The following RAB11FIP4 variants were observed in gnomAD, a reference collection of about 807,000 sequenced individuals.
RAB11FIP4 encodes RAB11 family interacting protein 4.
In RAB11FIP4, 23 loss-of-function variants were observed where a neutral mutation model predicts 74.3. That is an observed-to-expected ratio of 0.31 (90% confidence interval 0.22 to 0.44). The LOEUF is 0.44. Ranked by LOEUF, RAB11FIP4 falls within the 20% of genes least tolerant of loss-of-function variation. RAB11FIP4 has a pLI of 1.00. For synonymous variants in RAB11FIP4, 360 were observed against 359.9 expected (o/e 1.00, Z 0.00); for missense variants, 630 against 863.9 (o/e 0.73, Z 3.39).
intron 3 of RAB11FIP4, among the ~76,000 whole-genome samples, chr17:31,486,354 A>C (rs944503266): frequency 2.0e-5 from 3 of 152,078 alleles, no homozygotes; most frequent in African/African-American, 7.2e-5. Context: ...GATCCTCTTC[A>C]GCCTCCCAAG....
chr17:31,536,980 C>T lies in RAB11FIP4; in HGVS notation c.*5248C>T, dbSNP rs73988095. 7,312 of 399,058 alleles carry T rather than the reference C, an allele frequency of 0.018. 397 individuals carry two copies. Among genetic ancestry groups the T allele is most frequent in the African/African-American group, 0.12 (6,041 of 48,708 alleles). The allele number at this position is 399,058 out of a possible 1,614,324, so 24.7% of individuals were successfully genotyped here. On this transcript the variant is annotated 3_prime_UTR_variant, in exon 15 of 15. Coordinates refer to ENST00000621161, the MANE Select transcript of RAB11FIP4 (RefSeq NM_032932.6). ...ATCTGTAAGGTAGAGATGTCTGCCC[C>T]GGAGCTACCAGCTGGGGATGGCATC...
chr17:31,434,817 C>A (rs75268882), intron 3 of RAB11FIP4, among the ~76,000 whole-genome samples: 3,505 of 152,344 alleles, frequency 0.023, 132 homozygotes, highest in African/African-American at 0.08. Context: ...AGAGCTTCCG[C>A]ACCTTCGCTT....
intron 3 of RAB11FIP4, among the ~76,000 whole-genome samples, chr17:31,497,010 A>G (rs2072128799): frequency 6.6e-6 from 1 of 152,202 alleles, no homozygotes; most frequent in East Asian, 1.9e-4. Context: ...GATGCACAGA[A>G]ATACCTGGCA....
rs940689051 is a variant in RAB11FIP4, at chr17:31,536,361, G to A, written c.*4629G>A. On this transcript the variant is annotated 3_prime_UTR_variant, in exon 15 of 15. Coordinates refer to ENST00000621161, the MANE Select transcript of RAB11FIP4 (RefSeq NM_032932.6). ...TTTAAAAAAACAAAAAGTAACTTTCGATGTGATCATACCAGGAAAGTTTTG... is the reference window on the plus strand; with the variant it reads ...TTTAAAAAAACAAAAAGTAACTTTCAATGTGATCATACCAGGAAAGTTTTG... The A allele has an allele frequency of 2.6e-5, 4 of 152,040 alleles. No individual in the cohort carries two copies. Among genetic ancestry groups the A allele is most frequent in the African/African-American group, 9.7e-5 (4 of 41,392 alleles). The allele number at this position is 152,040 out of a possible 1,614,324, so 9.4% of individuals were successfully genotyped here.
At position 31,422,784 on chromosome 17, in the gene RAB11FIP4, G is replaced by A. The variant is rs113079037; in HGVS notation, c.160-9029G>A. Among the ~76,000 whole-genome samples the A allele has an allele frequency of 5.2e-3, 794 of 151,960 alleles. 7 individuals are homozygous for A. The highest frequency in any genetic ancestry group is 0.017 in the African/African-American group (723 of 41,470). ...GCATCTATTTTTCTGCAAGAATTTC[G>A]AAATTTCCATTTATTTCGGATTGTT... On this transcript the variant is annotated intron_variant, in intron 1 of 14. Transcript: ENST00000621161.
At chr17:31,409,641 G>A (rs1161224184) in intron 1 of RAB11FIP4, among the ~76,000 whole-genome samples, 3 of 152,192 alleles carry the variant, frequency 2.0e-5, no homozygotes, top group African/African-American at 7.2e-5. Flanking sequence ...CACTCAAGGA[G>A]CAGGGAGGAG....
Position 31,391,852 on chromosome 17 carries a change from G to C in RAB11FIP4, c.-1G>C. The C allele has an allele frequency of 1.8e-6, 2 of 1,112,566 alleles. No homozygotes were observed. The highest frequency in any genetic ancestry group is 2.2e-6 in the Non-Finnish European group (2 of 914,848). The allele number at this position is 1,112,566 out of a possible 1,614,324, so 68.9% of individuals were successfully genotyped here. ...CCGGGCTGAGCTGCGGGCCGGCCCG[G>C]ATGGCGGGCGGCGCGGGCTGGTCGG... On this transcript the variant is annotated 5_prime_UTR_variant, in exon 1 of 15. Transcript: ENST00000621161.
rs1460534762 is a variant in RAB11FIP4 at position 31,535,836 on chromosome 17, AAGC to A, written c.*4108_*4110del. On this transcript the variant is annotated 3_prime_UTR_variant, in exon 15 of 15. Coordinates refer to ENST00000621161, the MANE Select transcript of RAB11FIP4 (RefSeq NM_032932.6). ...CTGACAGGTGGGGCTGTCCCCCTGAAAGCAGCCGCAGAAACAGCTGCCACCTAT... is the reference window on the plus strand; with the variant it reads ...CTGACAGGTGGGGCTGTCCCCCTGAAAGCCGCAGAAACAGCTGCCACCTAT... 1 of 152,288 alleles carries A rather than the reference AAGC, an allele frequency of 6.6e-6. No individual in the cohort carries two copies. The highest frequency in any genetic ancestry group is 1.9e-4 in the East Asian group (1 of 5,196). The allele number at this position is 152,288 out of a possible 1,614,324, so 9.4% of individuals were successfully genotyped here.
rs371795573 is a variant in RAB11FIP4, at chr17:31,447,085, C to T, written c.336+12963C>T. 1.0e-3 allele frequency among the ~76,000 whole-genome samples: 159 copies of T among 152,238 alleles called. 4 individuals carry two copies. The highest frequency in any genetic ancestry group is 0.01 in the South Asian group (50 of 4,812). ...GGATCACGAGGTCAGGAGATCGAGACCATCCTGGCTAACACGGTGAAACCC... is the reference window on the plus strand; with the variant it reads ...GGATCACGAGGTCAGGAGATCGAGATCATCCTGGCTAACACGGTGAAACCC... On this transcript the variant is annotated intron_variant, in intron 3 of 14. Transcript: ENST00000621161.
chr17:31,422,031 T>C (rs562283844), intron 1 of RAB11FIP4, among the ~76,000 whole-genome samples: 6 of 152,072 alleles, frequency 3.9e-5, no homozygotes, highest in African/African-American at 9.6e-5. Context: ...GAAAATTAGC[T>C]GGGCGTGTTG....
intron 3 of RAB11FIP4, among the ~76,000 whole-genome samples, chr17:31,450,132 G>A (rs969006750): frequency 2.0e-5 from 3 of 151,812 alleles, no homozygotes; most frequent in African/African-American, 7.3e-5. Context: ...TTTAACAAAC[G>A]TCTCCCTACT....
intron 4 of RAB11FIP4, among the ~76,000 whole-genome samples, chr17:31,520,218 T>C (rs770358021): frequency 1.3e-5 from 2 of 152,144 alleles, no homozygotes; most frequent in Non-Finnish European, 2.9e-5. Flanking sequence ...CAGGAGGATA[T>C]GCATAGGTTG....
intron 1 of RAB11FIP4, among the ~76,000 whole-genome samples, chr17:31,426,854 C>T (rs2071256916): frequency 6.6e-6 from 1 of 152,136 alleles, no homozygotes; most frequent in Admixed American, 6.5e-5. Context: ...CCCACCTTGG[C>T]CTCCCAAAGT....
chr17:31,402,347 G>C (rs1381998790), intron 1 of RAB11FIP4, among the ~76,000 whole-genome samples: 1 of 152,162 alleles, frequency 6.6e-6, no homozygotes, highest in African/African-American at 2.4e-5. Flanking sequence ...GAAAGGACAG[G>C]GAGGGCAGGG....
chr17:31,492,120 C>T (rs377664807), intron 3 of RAB11FIP4, among the ~76,000 whole-genome samples: 5 of 152,216 alleles, frequency 3.3e-5, no homozygotes, highest in South Asian at 2.1e-4. Flanking sequence ...GCAGCCTGCC[C>T]GTGTTTTCCG....
At chr17:31,426,130 C>T (rs1042419266) in intron 1 of RAB11FIP4, among the ~76,000 whole-genome samples, 18 of 152,092 alleles carry the variant, frequency 1.2e-4, no homozygotes, top group African/African-American at 3.9e-4. Flanking sequence ...ATGCTCAGGG[C>T]GCCAGGGGAT....
At chr17:31,488,331 GC>G in intron 3 of RAB11FIP4, 1 of 1,138,846 alleles carries the variant, frequency 8.8e-7, no homozygotes, top group East Asian at 4.3e-5. Flanking sequence ...ACCTGGCTCG[GC>G]CCGGCCCGCG....
intron 1 of RAB11FIP4, among the ~76,000 whole-genome samples, chr17:31,399,128 C>G (rs2070960342): frequency 1.3e-5 from 2 of 152,070 alleles, no homozygotes; most frequent in South Asian, 4.1e-4. Context: ...TGCAGCACCC[C>G]TTTGGCCCAC....
At chr17:31,410,100 A>G (rs1295921849) in intron 1 of RAB11FIP4, among the ~76,000 whole-genome samples, 1 of 152,170 alleles carries the variant, frequency 6.6e-6, no homozygotes, top group Non-Finnish European at 1.5e-5. Flanking sequence ...CATGATGCTA[A>G]TGAAAGAAGG....
Sources: allele counts gnomAD v4.1 joint callset (sites outside exome capture counted in the v4.1 genomes callset), GRCh38; gene constraint gnomAD v4.1.1; transcripts MANE v1.5; gene names NCBI Gene and HGNC (gene_info 2026-07-23, HGNC 2026-07-21).